The following CBFA2T3 variants were observed in gnomAD, a reference collection of about 807,000 sequenced individuals.
CBFA2T3 encodes transcriptional corepressor CBFA2T3.
CBFA2T3 carries 31 observed loss-of-function variants against 58.6 expected under a neutral mutation model. The ratio of observed to expected loss-of-function variants is 0.53; its 90% confidence interval spans 0.40 to 0.71. The LOEUF is 0.71. Ranked by LOEUF, CBFA2T3 falls within the 30% of genes least tolerant of loss-of-function variation. CBFA2T3 has a pLI of 0.00. For missense variants in CBFA2T3, 1,076 were observed against 963.1 expected (o/e 1.12, Z -1.55); for synonymous variants, 531 against 421.9 (o/e 1.26, Z -3.17).
At chr16:88,959,396 C>T (rs970437784) in intron 1 of CBFA2T3, among the ~76,000 whole-genome samples, 1 of 152,148 alleles carries the variant, frequency 6.6e-6, no homozygotes, top group Non-Finnish European at 1.5e-5. Flanking sequence ...AACACGCATG[C>T]ACGCCCAGGG....
Position 88,891,854 on chromosome 16 carries a change from G to A in CBFA2T3, c.711+28C>T, listed in dbSNP as rs751608343. ...TAAGGGGCCTTCTAGGGAGGCTCCCGCAGCACGGGGGACGGGTTTCGCATT... is the reference window on the plus strand; with the variant it reads ...TAAGGGGCCTTCTAGGGAGGCTCCCACAGCACGGGGGACGGGTTTCGCATT... On this transcript the variant is annotated intron_variant, in intron 5 of 11. Coordinates refer to ENST00000268679, the MANE Select transcript of CBFA2T3 (RefSeq NM_005187.6). The A allele has an allele frequency of 4.1e-5, 63 of 1,540,354 alleles. No homozygotes were observed. In the Admixed American group the frequency reaches 6.4e-4, roughly 16 times the overall value.
intron 1 of CBFA2T3, among the ~76,000 whole-genome samples, chr16:88,926,542 G>A (rs920001398): frequency 6.6e-6 from 1 of 152,236 alleles, no homozygotes; most frequent in African/African-American, 2.4e-5. Flanking sequence ...GTGACACAGA[G>A]GTTTGTCATG....
intron 1 of CBFA2T3, among the ~76,000 whole-genome samples, chr16:88,932,675 C>G (rs1024859713): frequency 6.6e-6 from 1 of 150,504 alleles, no homozygotes; most frequent in African/African-American, 2.5e-5. Flanking sequence ...AGGCAGGGCG[C>G]GGTGGTTCAC....
chr16:88,960,046 T>TAAAATAAATAAATAAATC lies in CBFA2T3; in HGVS notation c.151+16593_151+16610dup, dbSNP rs1246492438. Reference sequence around the variant, plus strand: ...TTTCCAAAAAATAATAATAATAAATTAAAATAAATAAATAAATCATTAAGG... The same window carrying TAAAATAAATAAATAAATC: ...TTTCCAAAAAATAATAATAATAAATTAAAATAAATAAATAAATCAAAATAAATAAATAAATCATTAAGG... On this transcript the variant is annotated intron_variant, in intron 1 of 11. Coordinates refer to ENST00000268679, the MANE Select transcript of CBFA2T3 (RefSeq NM_005187.6). Among the ~76,000 whole-genome samples the TAAAATAAATAAATAAATC allele has an allele frequency of 9.1e-3, 1,378 of 151,946 alleles. 26 individuals carry two copies. The highest frequency in any genetic ancestry group is 0.032 in the African/African-American group (1,315 of 41,386).
chr16:88,892,569 A>G (rs1292909574), intron 3 of CBFA2T3, 84 bp from the exon 4 acceptor site: 3 of 1,452,904 alleles, frequency 2.1e-6, no homozygotes. Flanking sequence ...GGAAGCAGCG[A>G]CTAAGGTGAC....
intron 1 of CBFA2T3, among the ~76,000 whole-genome samples, chr16:88,912,349 G>C (rs188375102): frequency 2.2e-3 from 341 of 152,362 alleles, no homozygotes; most frequent in Non-Finnish European, 3.8e-3. Context: ...GGCCAGATGG[G>C]GACAGATGGG....
intron 1 of CBFA2T3, among the ~76,000 whole-genome samples, chr16:88,967,508 G>T (rs1321380662): frequency 6.6e-6 from 1 of 152,176 alleles, no homozygotes; most frequent in Non-Finnish European, 1.5e-5. Context: ...CCGTGGTGGG[G>T]TGTGGGGTGG....
At chr16:88,936,136 G>A in intron 1 of CBFA2T3, among the ~76,000 whole-genome samples, 1 of 152,166 alleles carries the variant, frequency 6.6e-6, no homozygotes, top group East Asian at 1.9e-4. Context: ...GGTACTCAGG[G>A]AGGTCGGGTA....
intron 1 of CBFA2T3, 103 bp from the exon 2 acceptor site, chr16:88,901,759 C>T (rs1282095646): frequency 3.3e-5 from 36 of 1,078,730 alleles, no homozygotes; most frequent in Non-Finnish European, 4.1e-5. Flanking sequence ...GAGTGTCCGC[C>T]CAGCGCTGGG....
intron 1 of CBFA2T3, among the ~76,000 whole-genome samples, chr16:88,941,488 C>T (rs2142810073): frequency 6.7e-6 from 1 of 148,502 alleles, no homozygotes; most frequent in African/African-American, 2.4e-5. Context: ...AGGGGCTCCC[C>T]GCCGCCGAGA....
intron 9 of CBFA2T3, 96 bp from the exon 10 acceptor site, chr16:88,880,884 G>GTCC (rs1218669384): frequency 3.5e-6 from 4 of 1,134,820 alleles, no homozygotes; most frequent in Admixed American, 2.0e-5. Context: ...AGTGCAGGGC[G>GTCC]TGAGTGTGTG....
chr16:88,951,103 G>A, intron 1 of CBFA2T3: 1 of 374,358 alleles, frequency 2.7e-6, no homozygotes, highest in South Asian at 1.8e-5. Flanking sequence ...GCCACAGAGG[G>A]TCAGAGTGTT....
intron 5 of CBFA2T3, among the ~76,000 whole-genome samples, chr16:88,888,079 CG>C (rs1047521938): frequency 6.6e-6 from 1 of 152,066 alleles, no homozygotes; most frequent in Non-Finnish European, 1.5e-5. Flanking sequence ...AGACAGACTC[CG>C]GGGAGCTCCG....
intron 9 of CBFA2T3, 166 bp from the exon 10 acceptor site, chr16:88,880,954 G>C (rs937774326): frequency 2.9e-6 from 2 of 696,190 alleles, no homozygotes; most frequent in Non-Finnish European, 5.0e-6. Context: ...ACCCAGGGCA[G>C]TGCCCGGGCA....
intron 10 of CBFA2T3, 199 bp from the exon 11 acceptor site, chr16:88,879,659 T>G (rs549247438): frequency 1.8e-6 from 1 of 561,090 alleles, no homozygotes; most frequent in Non-Finnish European, 3.2e-6. Flanking sequence ...CAGACACACG[T>G]TGATGGCCCT....
chr16:88,968,756 C>T (rs1044649796), intron 1 of CBFA2T3, among the ~76,000 whole-genome samples: 14 of 152,146 alleles, frequency 9.2e-5, no homozygotes, highest in Admixed American at 2.6e-4. Context: ...CAGTTTGCAC[C>T]GAGCCCCTCC....
intron 5 of CBFA2T3, among the ~76,000 whole-genome samples, chr16:88,889,912 C>T (rs1382342552): frequency 1.4e-5 from 2 of 147,266 alleles, no homozygotes; most frequent in Non-Finnish European, 3.0e-5. Context: ...AGGGACGACG[C>T]CCCGCGATTC....
intron 1 of CBFA2T3, among the ~76,000 whole-genome samples, chr16:88,955,958 GCCAAGGCTCCTGACCCCGC>G (rs1414832223): frequency 6.7e-4 from 67 of 100,562 alleles, no homozygotes; most frequent in Middle Eastern, 0.015. Flanking sequence ...CCTGACCCCA[GCCAAGGCTCCTGACCCCGC>G]CCAAGGCTCC....
At chr16:88,934,053 C>T (rs570933950) in intron 1 of CBFA2T3, among the ~76,000 whole-genome samples, 17 of 152,360 alleles carry the variant, frequency 1.1e-4, no homozygotes, top group South Asian at 2.1e-4. Context: ...TAATTTTGCC[C>T]GGTCTCTTCT....
Sources: allele counts gnomAD v4.1 joint callset (sites outside exome capture counted in the v4.1 genomes callset), GRCh38; gene constraint gnomAD v4.1.1; transcripts MANE v1.5; gene names NCBI Gene and HGNC (gene_info 2026-07-23, HGNC 2026-07-21).